KANK1: variants seen among roughly 807,000 people sequenced by gnomAD.
KANK1 encodes the protein KN motif and ankyrin repeat domain-containing protein 1.
A neutral mutation model predicts 106.2 loss-of-function variants in KANK1; 109 were observed. That is an observed-to-expected ratio of 1.03 (90% CI 0.88 to 1.20). The LOEUF (loss-of-function observed/expected upper bound fraction) is 1.20, where lower values mean the gene tolerates loss of function less well. KANK1 is among the 50% of genes most tolerant of loss of function. The probability of loss-of-function intolerance (pLI) is 0.00; values close to 1 mark genes in which losing one functional copy is unlikely to be tolerated. For synonymous variants in KANK1, 873 were observed against 652.2 expected (o/e 1.34, Z -5.16); for missense variants, 2,399 against 1,710.7 (o/e 1.40, Z -7.10).
chr9:656,494 G>C (rs1337377934), intron 1 of KANK1, among the ~76,000 whole-genome samples: 1 of 152,132 alleles, frequency 6.6e-6, no homozygotes, highest in Non-Finnish European at 1.5e-5. Flanking sequence ...TGTCTCCTGG[G>C]TGTGGCCTGT....
Position 732,553 on chromosome 9 carries a change from G to T in KANK1, c.3181G>T (p.Ala1061Ser). Residue 1061 changes from alanine to serine, a missense_variant, in exon 6 of 12, where the codon GCC becomes TCC. By Grantham distance (99) the Ala-to-Ser change is moderately conservative (BLOSUM62 1). Transcript: ENST00000382297. ...AGTTAATATTGAAGGTTTGAAGTCT[G>T]CCAGGGTGGAAGATGAAATGCAGGT... Reference protein sequence around the residue: ...HAVNIEGLKSARVEDEMQVQE... With the variant: ...HAVNIEGLKSSRVEDEMQVQE... 1 of 1,614,168 alleles carries T rather than the reference G, an allele frequency of 6.2e-7. No homozygotes were observed. Among genetic ancestry groups the T allele is most frequent in the African/African-American group, 1.3e-5 (1 of 75,042 alleles).
chr9:704,793 C>A (rs1367010053), intron 2 of KANK1, among the ~76,000 whole-genome samples: 1 of 151,858 alleles, frequency 6.6e-6, no homozygotes. Context: ...CCAGCCTGAG[C>A]AAAATAGCAA....
At chr9:586,959 A>G (rs1317515878) in intron 1 of KANK1, among the ~76,000 whole-genome samples, 1 of 152,216 alleles carries the variant, frequency 6.6e-6, no homozygotes, top group African/African-American at 2.4e-5. Flanking sequence ...TCTCAAGCCT[A>G]AAAATGAGTA....
rs5895857 is a variant in KANK1, at chr9:670,949, G to GTT, written c.-83-5913_-83-5912dup. Among the ~76,000 whole-genome samples, 133 of 103,068 alleles carry GTT rather than the reference G, an allele frequency of 1.3e-3. 2 individuals are homozygous for GTT. The highest frequency in any genetic ancestry group is 3.9e-3 in the African/African-American group (119 of 30,376). 67.6% of individuals were successfully genotyped at this position (103,068 alleles called of 152,430 possible). ...TCTGATTCTCTTACTGTCTGCTGGA[G>GTT]TTTTTTTTTTTTTTTTTTTTTTTTT... On this transcript the variant is annotated intron_variant, in intron 1 of 11. Transcript: ENST00000382297.
In KANK1 at chr9:745,757, A is replaced by AATATTCTC. The variant is rs1370801624; in HGVS notation, c.*525_*532dup. 2.0e-5 allele frequency: 3 copies of AATATTCTC among 152,708 alleles called. No individual in the cohort carries two copies. The highest frequency in any genetic ancestry group is 4.4e-5 in the Non-Finnish European group (3 of 68,116). The allele number at this position is 152,708 out of a possible 1,614,324, so 9.5% of individuals were successfully genotyped here. ...AGACAAAGTATAAAACTTACAAAAG[A>AATATTCTC]ATATTCTCATTTGGTCTTAACTAGG... On this transcript the variant is annotated 3_prime_UTR_variant, in exon 12 of 12. Transcript: ENST00000382297.
chr9:572,814 G>A (rs1363652741), intron 1 of KANK1, among the ~76,000 whole-genome samples: 2 of 152,036 alleles, frequency 1.3e-5, no homozygotes, highest in African/African-American at 2.4e-5. Context: ...CTGGCATAAC[G>A]GTCTTCCCAC....
upstream of KANK1, among the ~76,000 whole-genome samples, chr9:500,886 C>G (rs1460180989): frequency 2.0e-5 from 3 of 152,098 alleles, no homozygotes; most frequent in South Asian, 2.1e-4. Flanking sequence ...TCAGAAAGCT[C>G]TATTATTGGA....
At chr9:501,615 C>G (rs936360390), upstream of KANK1, among the ~76,000 whole-genome samples, 5 of 131,800 alleles carry the variant, frequency 3.8e-5, no homozygotes, top group Non-Finnish European at 7.7e-5. Flanking sequence ...CACAGACATA[C>G]ACACACACAC....
chr9:509,974 C>CTT (rs113370848), intron 1 of KANK1, among the ~76,000 whole-genome samples: 24 of 143,260 alleles, frequency 1.7e-4, no homozygotes, highest in Admixed American at 7.7e-4. Flanking sequence ...CTAATTTTTC[C>CTT]TTTTTTTTTT....
chr9:565,327 G>T (rs973203172), intron 1 of KANK1, among the ~76,000 whole-genome samples: 2 of 152,162 alleles, frequency 1.3e-5, no homozygotes, highest in African/African-American at 4.8e-5. Flanking sequence ...CTAAAGAATG[G>T]TTTCATGTTT....
chr9:509,868 C>G (rs2058949504), intron 1 of KANK1, among the ~76,000 whole-genome samples: 1 of 152,158 alleles, frequency 6.6e-6, no homozygotes, highest in African/African-American at 2.4e-5. Context: ...AGGATCAGAG[C>G]TCGCTGTAAC....
intron 1 of KANK1, among the ~76,000 whole-genome samples, chr9:608,799 A>C (rs1360495237): frequency 1.3e-5 from 2 of 152,184 alleles, no homozygotes; most frequent in African/African-American, 4.8e-5. Flanking sequence ...CCTCCACCCC[A>C]GTTGATGGTC....
At chr9:579,830 C>T (rs929363463) in intron 1 of KANK1, among the ~76,000 whole-genome samples, 1 of 152,168 alleles carries the variant, frequency 6.6e-6, no homozygotes, top group Non-Finnish European at 1.5e-5. Flanking sequence ...ATCTTTGGCT[C>T]TAAGAAAATC....
At chr9:534,236 T>C (rs1356969545) in intron 1 of KANK1, among the ~76,000 whole-genome samples, 1 of 152,246 alleles carries the variant, frequency 6.6e-6, no homozygotes, top group Non-Finnish European at 1.5e-5. Context: ...TGCAGAAATG[T>C]ACGTTCTTCC....
chr9:684,661 G>A (rs1818205534), intron 2 of KANK1: 1 of 795,722 alleles, frequency 1.3e-6, no homozygotes. Context: ...CAAAGGTATA[G>A]CTCATTTGCT....
At chr9:563,764 T>C (rs1265387757) in intron 1 of KANK1, among the ~76,000 whole-genome samples, 7 of 152,208 alleles carry the variant, frequency 4.6e-5, no homozygotes, top group Non-Finnish European at 8.8e-5. Flanking sequence ...TTCAGAAATG[T>C]TTAGGGACCA....
chr9:705,528 C>A (rs62531220), intron 2 of KANK1, among the ~76,000 whole-genome samples: 33,764 of 151,384 alleles, frequency 0.22, 4,080 homozygotes, highest in African/African-American at 0.26. Flanking sequence ...CATCTCCTTT[C>A]TTCCCAGCAT....
intron 1 of KANK1, among the ~76,000 whole-genome samples, chr9:585,870 A>G (rs1278197447): frequency 1.3e-5 from 2 of 152,234 alleles, no homozygotes; most frequent in Admixed American, 6.5e-5. Flanking sequence ...AATTAAAGGA[A>G]GATAAAGTAG....
intron 10 of KANK1, 36 bp downstream of exon 10, chr9:742,441 C>A (rs1835887614): frequency 1.3e-6 from 2 of 1,540,176 alleles, no homozygotes; most frequent in Admixed American, 1.8e-5. Flanking sequence ...GGCCAGGGGT[C>A]TGGGGGACTC....
Sources: gnomAD v4.1 joint callset for allele counts (sites outside exome capture counted in the v4.1 genomes callset) on GRCh38, gnomAD v4.1.1 for gene constraint, MANE v1.5 for transcripts, NCBI Gene and HGNC (gene_info 2026-07-23, HGNC 2026-07-21) for gene names.